DLG2: variants seen among roughly 807,000 people sequenced by gnomAD.
The protein encoded by DLG2 is disks large homolog 2.
Under a neutral mutation model 132.5 loss-of-function variants are expected in DLG2, and 45 were observed. That is an observed-to-expected ratio of 0.34 (90% CI 0.27 to 0.44). DLG2 has a LOEUF of 0.44. Ranked by LOEUF, DLG2 falls within the 20% of genes least tolerant of loss-of-function variation. The pLI, the probability that DLG2 is intolerant of heterozygous loss-of-function variation, is 1.00. For synonymous variants in DLG2, 424 were observed against 419.6 expected, an observed-to-expected ratio of 1.01 and a Z score of -0.13; for missense variants, 1,045 against 1,196.9, an observed-to-expected ratio of 0.87 and a Z score of 1.87.
intron 6 of DLG2, among the ~76,000 whole-genome samples, chr11:84,957,691 T>A (rs1282062287): frequency 1.3e-5 from 2 of 152,206 alleles, no homozygotes; most frequent in Non-Finnish European, 2.9e-5. Context: ...GTCCCTTGCA[T>A]CTAGCACCAG....
intron 6 of DLG2, among the ~76,000 whole-genome samples, chr11:84,562,749 C>CTTTTT (rs1307584790): frequency 1.4e-5 from 2 of 144,014 alleles, no homozygotes; most frequent in Non-Finnish European, 1.5e-5. Flanking sequence ...TTCTTTCTTT[C>CTTTTT]TTTTTTTTTT....
chr11:84,694,288 G>A (rs1171472948), intron 6 of DLG2, among the ~76,000 whole-genome samples: 1 of 151,478 alleles, frequency 6.6e-6, no homozygotes, highest in Non-Finnish European at 1.5e-5. Flanking sequence ...AAAACACCAT[G>A]GAAAGACAAC....
chr11:85,215,092 C>T (rs2082494002), intron 4 of DLG2, among the ~76,000 whole-genome samples: 1 of 152,076 alleles, frequency 6.6e-6, no homozygotes, highest in Admixed American at 6.6e-5. Flanking sequence ...AATAAAAATT[C>T]CAAGAATGGT....
chr11:85,323,163 T>G (rs1350032729), intron 3 of DLG2, among the ~76,000 whole-genome samples: 1 of 152,210 alleles, frequency 6.6e-6, no homozygotes, highest in Non-Finnish European at 1.5e-5. Flanking sequence ...TTTCTCTCTC[T>G]CTTGCCTGTA....
intron 4 of DLG2, among the ~76,000 whole-genome samples, chr11:85,255,653 T>C (rs985383131): frequency 4.6e-5 from 7 of 152,214 alleles, no homozygotes; most frequent in African/African-American, 1.4e-4. Flanking sequence ...ATCAAATACT[T>C]GGAATGCAGA....
intron 6 of DLG2, among the ~76,000 whole-genome samples, chr11:84,893,998 T>C (rs2154065838): frequency 6.6e-6 from 1 of 152,296 alleles, no homozygotes; most frequent in East Asian, 1.9e-4. Context: ...GTGTTCAGAA[T>C]TTTATGAAGC....
chr11:85,372,307 A>T (rs2152919106), intron 3 of DLG2, among the ~76,000 whole-genome samples: 1 of 152,310 alleles, frequency 6.6e-6, no homozygotes, highest in Non-Finnish European at 1.5e-5. Context: ...AAATCCTAGC[A>T]AGCATAACTA....
intron 7 of DLG2, among the ~76,000 whole-genome samples, chr11:84,513,781 A>G (rs11234062): frequency 6.7e-6 from 1 of 149,652 alleles, no homozygotes; most frequent in African/African-American, 2.4e-5. Flanking sequence ...AGGCCCCCCA[A>G]AAAAAAAAAT....
chr11:83,890,636 A>G (rs1015822038), intron 15 of DLG2, among the ~76,000 whole-genome samples: 3 of 152,208 alleles, frequency 2.0e-5, no homozygotes, highest in African/African-American at 7.2e-5. Context: ...GTCATCATAT[A>G]ATGTAAATAA....
chr11:85,059,963 T>C (rs950068366), intron 6 of DLG2, among the ~76,000 whole-genome samples: 2 of 151,488 alleles, frequency 1.3e-5, no homozygotes, highest in East Asian at 3.9e-4. Context: ...AAAAATAACA[T>C]AAAATCTACC....
chr11:83,588,338 G>A lies in DLG2; in HGVS notation c.1940+44873C>T, dbSNP rs1285340074. Among the ~76,000 whole-genome samples, 5 of 151,592 alleles carry A rather than the reference G, an allele frequency of 3.3e-5. No homozygotes were observed. In the East Asian group the frequency reaches 5.8e-4, roughly 18 times the overall value. Reference sequence around the variant, plus strand: ...TGGGTCTCTGACCCCTGACCCCCGAGCAGCCTAACTGGGAGGCACCCCCCA... The same window carrying A: ...TGGGTCTCTGACCCCTGACCCCCGAACAGCCTAACTGGGAGGCACCCCCCA... On this transcript the variant is annotated intron_variant, in intron 19 of 27. Coordinates refer to ENST00000376104, the MANE Select transcript of DLG2 (RefSeq NM_001142699.3).
At chr11:85,495,200 G>A (rs748153393) in intron 3 of DLG2, among the ~76,000 whole-genome samples, 4 of 152,144 alleles carry the variant, frequency 2.6e-5, no homozygotes, top group African/African-American at 4.8e-5. Flanking sequence ...TGGCAAAAAT[G>A]TAGAACAATA....
chr11:85,096,374 C>T (rs376318389), intron 6 of DLG2, among the ~76,000 whole-genome samples: 2 of 152,072 alleles, frequency 1.3e-5, no homozygotes, highest in African/African-American at 4.8e-5. Context: ...CTGAAGTTAG[C>T]AAGACCACGA....
intron 6 of DLG2, among the ~76,000 whole-genome samples, chr11:84,839,860 A>C (rs2080371607): frequency 6.6e-6 from 1 of 152,124 alleles, no homozygotes; most frequent in African/African-American, 2.4e-5. Context: ...TAAATACTTA[A>C]ATGTTAGGCC....
At chr11:83,587,746 G>A (rs1037769222) in intron 19 of DLG2, among the ~76,000 whole-genome samples, 2 of 152,178 alleles carry the variant, frequency 1.3e-5, no homozygotes, top group African/African-American at 4.8e-5. Context: ...CATCTCACTA[G>A]GAAGTGCCAG....
At chr11:84,014,620 G>C in intron 11 of DLG2, among the ~76,000 whole-genome samples, 1 of 152,026 alleles carries the variant, frequency 6.6e-6, no homozygotes, top group Admixed American at 6.6e-5. Flanking sequence ...TTTAATCCTT[G>C]GGCCAACTAT....
intron 3 of DLG2, among the ~76,000 whole-genome samples, chr11:85,492,956 G>A (rs114654688): frequency 0.023 from 3,428 of 152,054 alleles, 124 homozygotes; most frequent in African/African-American, 0.077. Flanking sequence ...GCTGATTTTT[G>A]TTGGAGTGAC....
chr11:85,100,895 T>C (rs186105219), intron 6 of DLG2, among the ~76,000 whole-genome samples: 15 of 152,280 alleles, frequency 9.9e-5, no homozygotes, highest in African/African-American at 3.6e-4. Context: ...TATTGGAGCA[T>C]TATATAGTTT....
At chr11:83,891,281 T>A (rs1347240470) in intron 15 of DLG2, among the ~76,000 whole-genome samples, 3 of 151,044 alleles carry the variant, frequency 2.0e-5, no homozygotes, top group Non-Finnish European at 4.4e-5. Context: ...AAGGAGAGAA[T>A]TGAGAGGATG....
Sources: gnomAD v4.1 joint callset for allele counts (sites outside exome capture counted in the v4.1 genomes callset) on GRCh38, gnomAD v4.1.1 for gene constraint, MANE v1.5 for transcripts, NCBI Gene and HGNC (gene_info 2026-07-23, HGNC 2026-07-21) for gene names.